The following IGF1 variants were observed in gnomAD, a reference collection of about 807,000 sequenced individuals.
The protein encoded by IGF1 is insulin-like growth factor 1.
In IGF1, 4 loss-of-function variants were observed where a neutral mutation model predicts 13.8. That is an observed-to-expected ratio of 0.29 (90% CI 0.14 to 0.66). The LOEUF is 0.66. IGF1 is among the 30% of genes least tolerant of loss of function. The probability of loss-of-function intolerance (pLI) is 0.78; values close to 1 mark genes in which losing one functional copy is unlikely to be tolerated. For synonymous variants in IGF1, 76 were observed against 72.6 expected (o/e 1.05, Z -0.23); for missense variants, 124 against 188.5 (o/e 0.66, Z 2.00).
At chr12:102,441,960 T>TCCTC (rs1565985036) in intron 2 of IGF1, among the ~76,000 whole-genome samples, 1 of 146,888 alleles carries the variant, frequency 6.8e-6, no homozygotes, top group Non-Finnish European at 1.5e-5. Context: ...TTCTTCTTTT[T>TCCTC]TTTTTTTGAG....
At chr12:102,472,547 T>C (rs1880752641) in intron 2 of IGF1, among the ~76,000 whole-genome samples, 1 of 152,180 alleles carries the variant, frequency 6.6e-6, no homozygotes, top group African/African-American at 2.4e-5. Context: ...AAAATTGTAC[T>C]TCCAAAATGG....
At chr12:102,446,191 G>A (rs969783726) in intron 2 of IGF1, among the ~76,000 whole-genome samples, 2 of 151,962 alleles carry the variant, frequency 1.3e-5, no homozygotes, top group Non-Finnish European at 2.9e-5. Context: ...TTCTTTTTTT[G>A]TTGTGTCTCT....
At position 102,397,418 on chromosome 12, in the gene IGF1, G is replaced by A. The variant is rs1200612516; in HGVS notation, c.*5089C>T. ...TGAGAGGTTTCTTTAAAAAACAAAAGCATTGTTCCAGATAGGAATTGGTTA... is the reference window on the plus strand; with the variant it reads ...TGAGAGGTTTCTTTAAAAAACAAAAACATTGTTCCAGATAGGAATTGGTTA... On this transcript the variant is annotated 3_prime_UTR_variant, in exon 4 of 4. Transcript: ENST00000337514. The A allele has an allele frequency of 1.3e-5, 2 of 152,020 alleles. No homozygotes were observed. The highest frequency in any genetic ancestry group is 4.8e-5 in the African/African-American group (2 of 41,402). The allele number at this position is 152,020 out of a possible 1,614,324, so 9.4% of individuals were successfully genotyped here.
chr12:102,459,332 A>G (rs546218017), intron 2 of IGF1, among the ~76,000 whole-genome samples: 1 of 152,284 alleles, frequency 6.6e-6, no homozygotes, highest in African/African-American at 2.4e-5. Flanking sequence ...TAAAGTGATA[A>G]GAATTGCTTT....
At chr12:102,418,962 G>A (rs1044415501) in intron 3 of IGF1, among the ~76,000 whole-genome samples, 9 of 152,178 alleles carry the variant, frequency 5.9e-5, no homozygotes, top group African/African-American at 1.7e-4. Context: ...GTTCCCATTA[G>A]CCTTTTATTT....
chr12:102,402,538 C>T lies in IGF1; in HGVS notation c.431G>A (p.Gly144Glu). Reference sequence around the variant, plus strand: ...CCTGTAGTTCTTGTTTCCTGCACTCCCTCTACTTGCGTTCTTCAAATGTAC... The same window carrying T: ...CCTGTAGTTCTTGTTTCCTGCACTCTCTCTACTTGCGTTCTTCAAATGTAC... ...KEVHLKNASRGSAGNKNYRM is the reference protein window; with the variant it reads ...KEVHLKNASRESAGNKNYRM Residue 144 changes from glycine (G) to glutamate (E), a missense_variant, in exon 4 of 4, where the codon GGG becomes GAG. Physicochemically the swap from Gly to Glu is moderately conservative, Grantham distance 98. Around this residue, in one of 2 missense-constraint regions of IGF1, gnomAD observed 25 missense variants for 17.1 expected, o/e 1.47. Coordinates refer to ENST00000337514, the MANE Select transcript of IGF1 (RefSeq NM_000618.5). 1 of 780,762 alleles carries T rather than the reference C, an allele frequency of 1.3e-6. No homozygotes were observed. The highest frequency in any genetic ancestry group is 2.4e-6 in the Non-Finnish European group (1 of 417,946). The allele number at this position is 780,762 out of a possible 1,614,324, so 48.4% of individuals were successfully genotyped here. A position where few individuals can be genotyped will look rare whatever the true frequency, so the allele number is the denominator to read the frequency against.
chr12:102,404,365 G>C (rs942403914), intron 3 of IGF1, among the ~76,000 whole-genome samples: 1 of 152,156 alleles, frequency 6.6e-6, no homozygotes, highest in Non-Finnish European at 1.5e-5. Flanking sequence ...CACCCCTTGG[G>C]AATAATACCT....
chr12:102,425,100 T>C (rs1373247700), intron 2 of IGF1, among the ~76,000 whole-genome samples: 1 of 152,238 alleles, frequency 6.6e-6, no homozygotes, highest in Non-Finnish European at 1.5e-5. Context: ...AAAGCTGCTG[T>C]AAAACATTTT....
At chr12:102,419,771 C>T (rs559904153) in intron 2 of IGF1, 81 bp from the exon 3 acceptor site, 27 of 1,356,752 alleles carry the variant, frequency 2.0e-5, no homozygotes, top group Non-Finnish European at 2.5e-5. Flanking sequence ...TGCCTCTCCC[C>T]ACAGCTAGTC....
At chr12:102,459,608 C>A (rs1400097269) in intron 2 of IGF1, among the ~76,000 whole-genome samples, 1 of 152,074 alleles carries the variant, frequency 6.6e-6, no homozygotes, top group Non-Finnish European at 1.5e-5. Context: ...TGCAACCCAT[C>A]CATTGCATTG....
chr12:102,464,513 G>A (rs1022218404), intron 2 of IGF1, among the ~76,000 whole-genome samples: 3 of 150,040 alleles, frequency 2.0e-5, no homozygotes, highest in African/African-American at 7.4e-5. Context: ...CTTAGTCTGT[G>A]TTCTTCTGAA....
At chr12:102,446,960 T>C (rs1273286661) in intron 2 of IGF1, among the ~76,000 whole-genome samples, 2 of 152,204 alleles carry the variant, frequency 1.3e-5, no homozygotes, top group Non-Finnish European at 2.9e-5. Flanking sequence ...ACTTATTTAT[T>C]TCTGCCTTAA....
chr12:102,428,458 GC>G (rs1160164304), intron 2 of IGF1, among the ~76,000 whole-genome samples: 1 of 151,894 alleles, frequency 6.6e-6, no homozygotes, highest in Non-Finnish European at 1.5e-5. Flanking sequence ...AAGGAGACAA[GC>G]CCATCCATAT....
chr12:102,396,277 T>A lies in IGF1; in HGVS notation c.*6230A>T, dbSNP rs1281180494. 1 of 152,222 alleles carries A rather than the reference T, an allele frequency of 6.6e-6. No homozygotes were observed. The highest frequency in any genetic ancestry group is 1.5e-5 in the Non-Finnish European group (1 of 68,030). 9.4% of individuals were successfully genotyped at this position (152,222 alleles called of 1,614,324 possible). ...CAATTCTCATAGTTCATTAACTCTT[T>A]TACCAAAAAGATCTGACATGGTATT... On this transcript the variant is annotated 3_prime_UTR_variant, in exon 4 of 4. Transcript: ENST00000337514.
intron 2 of IGF1, among the ~76,000 whole-genome samples, chr12:102,425,528 T>G (rs1239893192): frequency 6.6e-6 from 1 of 152,192 alleles, no homozygotes; most frequent in Admixed American, 6.5e-5. Flanking sequence ...AAGTCAATGT[T>G]TTTGTTTCTC....
chr12:102,432,879 A>C lies in IGF1; in HGVS notation c.221-13189T>G, dbSNP rs184911128. Among the ~76,000 whole-genome samples the C allele has an allele frequency of 3.5e-3, 537 of 151,450 alleles. 3 individuals carry two copies. The highest frequency in any genetic ancestry group is 6.8e-3 in the Middle Eastern group (2 of 292). The stretch of plus-strand genomic sequence containing the variant: ...ACATACATACATACATACATACATA[A>C]ATACATAAACAAATAAATAAAAATA... On this transcript the variant is annotated intron_variant, in intron 2 of 3. Transcript: ENST00000337514.
intron 3 of IGF1, among the ~76,000 whole-genome samples, chr12:102,411,682 A>G (rs932282137): frequency 6.6e-6 from 1 of 152,212 alleles, no homozygotes; most frequent in African/African-American, 2.4e-5. Context: ...TCTTATCTTC[A>G]TATGGGCATT....
At chr12:102,427,365 G>T (rs1336555424) in intron 2 of IGF1, among the ~76,000 whole-genome samples, 1 of 152,150 alleles carries the variant, frequency 6.6e-6, no homozygotes, top group African/African-American at 2.4e-5. Context: ...AAAACATAAG[G>T]CATTCGTGAG....
chr12:102,406,455 T>C (rs1225098209), intron 3 of IGF1, among the ~76,000 whole-genome samples: 1 of 152,198 alleles, frequency 6.6e-6, no homozygotes, highest in Non-Finnish European at 1.5e-5. Context: ...AAACTGTTTC[T>C]AGTATGCAAC....
Sources: allele counts gnomAD v4.1 joint callset (sites outside exome capture counted in the v4.1 genomes callset), GRCh38; gene constraint gnomAD v4.1.1; regional missense constraint gnomAD v4.1.1; transcripts MANE v1.5; gene names NCBI Gene and HGNC (gene_info 2026-07-23, HGNC 2026-07-21).